The following CNTLN variants were observed in gnomAD, a reference collection of about 807,000 sequenced individuals.
CNTLN encodes the protein centlein, also known as centlein, centrosomal protein.
In CNTLN, 212 loss-of-function variants were observed where a neutral mutation model predicts 180.0. The observed-to-expected ratio is 1.18, with a 90% CI of 1.05 to 1.32. CNTLN has a LOEUF of 1.32. CNTLN is among the 40% of genes most tolerant of loss of function. CNTLN has a pLI of 0.00. For missense variants in CNTLN, 2,095 were observed against 1,610.9 expected, an observed-to-expected ratio of 1.30 and a Z score of -5.14; for synonymous variants, 722 against 563.1, an observed-to-expected ratio of 1.28 and a Z score of -3.99.
At chr9:17,210,516 G>T (rs201498405) in intron 2 of CNTLN, among the ~76,000 whole-genome samples, 50 of 152,300 alleles carry the variant, frequency 3.3e-4, no homozygotes, top group South Asian at 1.2e-3. Flanking sequence ...TATTGCCGCA[G>T]TGAACATACG....
rs1279421592 is a variant in CNTLN at position 17,285,885 on chromosome 9, AT to A, written c.983+12021del. 8.6e-5 allele frequency among the ~76,000 whole-genome samples: 7 copies of A among 81,696 alleles called. 2 individuals carry two copies. Among genetic ancestry groups the A allele is most frequent in the Admixed American group, 6.4e-4 (5 of 7,824 alleles). 53.6% of individuals were successfully genotyped at this position (81,696 alleles called of 152,430 possible). A position where few individuals can be genotyped will look rare whatever the true frequency, so the allele number is the denominator to read the frequency against. ...TTTTCTTGTAAATTTGTTTGAGTTC[AT>A]TGTAGATTCTGGATATTAGCCCTTT... On this transcript the variant is annotated intron_variant, in intron 6 of 25. Transcript: ENST00000380647.
intron 2 of CNTLN, among the ~76,000 whole-genome samples, chr9:17,170,989 C>T (rs1820386752): frequency 6.6e-6 from 1 of 151,990 alleles, no homozygotes; most frequent in South Asian, 2.1e-4. Flanking sequence ...TACCATATAG[C>T]CTAGGTGTGT....
At chr9:17,513,039 T>C in the CNTLN span, among the ~76,000 whole-genome samples, 1 of 152,154 alleles carries the variant, frequency 6.6e-6, no homozygotes, top group South Asian at 2.1e-4. Flanking sequence ...CAGAATGGTC[T>C]CAAACTCCTG....
At position 17,330,621 on chromosome 9, in the gene CNTLN, T is replaced by C. The variant is rs1820581794; in HGVS notation, c.1342-11T>C. On this transcript the variant is annotated splice_polypyrimidine_tract_variant and intron_variant, in intron 8 of 25. Transcript: ENST00000380647. ...ATAGATATCTATTTACAATTATACT[T>C]TTTAAAATAGGTACCTCATCGCCCA... 6.7e-7 allele frequency: 1 copy of C among 1,500,894 alleles called. No homozygotes were observed. Among genetic ancestry groups the C allele is most frequent in the Non-Finnish European group, 9.0e-7 (1 of 1,109,942 alleles). 93.0% of individuals were successfully genotyped at this position (1,500,894 alleles called of 1,614,324 possible).
intron 18 of CNTLN, among the ~76,000 whole-genome samples, chr9:17,451,752 G>A (rs1830790132): frequency 6.6e-6 from 1 of 152,144 alleles, no homozygotes; most frequent in African/African-American, 2.4e-5. Flanking sequence ...TGTTTGGCTG[G>A]ATTTACTAGA....
chr9:17,242,015 C>A (rs1183633248), intron 5 of CNTLN, among the ~76,000 whole-genome samples: 1 of 152,098 alleles, frequency 6.6e-6, no homozygotes, highest in Non-Finnish European at 1.5e-5. Context: ...TTGACTATTT[C>A]CTTTCCAACT....
intron 18 of CNTLN, among the ~76,000 whole-genome samples, chr9:17,437,974 G>C (rs149134060): frequency 6.6e-6 from 1 of 152,256 alleles, no homozygotes; most frequent in Non-Finnish European, 1.5e-5. Flanking sequence ...ATTGAACAAA[G>C]TCATTAGAAG....
At position 17,273,472 on chromosome 9, in the gene CNTLN, CA is replaced by C. The variant is rs1351730822; in HGVS notation, c.850-260del. On this transcript the variant is annotated intron_variant, in intron 5 of 25. Coordinates refer to ENST00000380647, the MANE Select transcript of CNTLN (RefSeq NM_017738.4). Reference sequence around the variant, plus strand: ...TTATTGTACAATAATTTAATAACTACATTTTTTATACATATCTTCTAGTTTA... The same window carrying C: ...TTATTGTACAATAATTTAATAACTACTTTTTTATACATATCTTCTAGTTTA... Among the ~76,000 whole-genome samples the C allele has an allele frequency of 2.0e-5, 3 of 151,982 alleles. No homozygotes were observed. The East Asian group carries it at 5.8e-4, about 29-fold the overall frequency.
At chr9:17,348,511 GCTTTCTTT>G (rs763590963) in intron 12 of CNTLN, among the ~76,000 whole-genome samples, 1 of 150,874 alleles carries the variant, frequency 6.6e-6, no homozygotes, top group Admixed American at 6.6e-5. Flanking sequence ...TTCTCACTCT[GCTTTCTTT>G]CTTTCTTTCT....
At chr9:17,522,719 G>A in the CNTLN span, among the ~76,000 whole-genome samples, 1 of 151,446 alleles carries the variant, frequency 6.6e-6, no homozygotes, top group East Asian at 1.9e-4. Flanking sequence ...TATGACACAC[G>A]TGAGACTAAA....
chr9:17,217,946 C>G (rs78460750), intron 2 of CNTLN, among the ~76,000 whole-genome samples: 5 of 151,960 alleles, frequency 3.3e-5, no homozygotes, highest in Non-Finnish European at 7.4e-5. Context: ...TTATTTAATA[C>G]TATATTTAAT....
At chr9:17,494,876 C>CT (rs35224903) in intron 25 of CNTLN, 4,456 of 272,112 alleles carry the variant, frequency 0.016, 2 homozygotes, top group South Asian at 0.027. Context: ...CTATACCATA[C>CT]TTTTTTTTTT....
chr9:17,327,598 C>A (rs917338566), intron 8 of CNTLN, among the ~76,000 whole-genome samples: 1 of 151,300 alleles, frequency 6.6e-6, no homozygotes, highest in Non-Finnish European at 1.5e-5. Flanking sequence ...CTTACCTATA[C>A]TGAAATTTTT....
At chr9:17,257,083 G>A (rs1294383272) in intron 5 of CNTLN, among the ~76,000 whole-genome samples, 2 of 151,456 alleles carry the variant, frequency 1.3e-5, no homozygotes, top group African/African-American at 4.8e-5. Context: ...CCACTAACTC[G>A]TCATCTAGCA....
intron 6 of CNTLN, among the ~76,000 whole-genome samples, chr9:17,288,455 G>T (rs919525348): frequency 1.4e-5 from 2 of 142,292 alleles, no homozygotes; most frequent in African/African-American, 5.6e-5. Flanking sequence ...GAATAGGTGT[G>T]GTGTGGTGCT....
chr9:17,302,575 G>C lies in CNTLN; in HGVS notation c.1146+4223G>C, dbSNP rs1818447385. Among the ~76,000 whole-genome samples, 7 of 151,900 alleles carry C rather than the reference G, an allele frequency of 4.6e-5. 1 individual carries two copies. In the South Asian group the frequency reaches 1.5e-3, roughly 32 times the overall value. ...ATAATAAGAATGTACGGGGGTCATGGATTCTAAGGGGACCTGCCTACTACA... is the reference window on the plus strand; with the variant it reads ...ATAATAAGAATGTACGGGGGTCATGCATTCTAAGGGGACCTGCCTACTACA... On this transcript the variant is annotated intron_variant, in intron 7 of 25. Coordinates refer to ENST00000380647, the MANE Select transcript of CNTLN (RefSeq NM_017738.4).
intron 13 of CNTLN, among the ~76,000 whole-genome samples, chr9:17,375,377 A>C (rs1016175924): frequency 1.3e-5 from 2 of 152,188 alleles, no homozygotes; most frequent in African/African-American, 4.8e-5. Context: ...TGACTATTAA[A>C]AAATAATTTA....
intron 8 of CNTLN, among the ~76,000 whole-genome samples, chr9:17,314,826 G>A (rs1819436439): frequency 6.6e-6 from 1 of 152,162 alleles, no homozygotes; most frequent in South Asian, 2.1e-4. Flanking sequence ...GTGTGTGGTA[G>A]ATTTATTCTG....
intron 13 of CNTLN, among the ~76,000 whole-genome samples, chr9:17,371,141 A>G (rs879887653): frequency 1.3e-5 from 2 of 152,168 alleles, no homozygotes; most frequent in Non-Finnish European, 2.9e-5. Context: ...AATCACATTG[A>G]ATGTGAATGG....
Sources: allele counts gnomAD v4.1 joint callset (sites outside exome capture counted in the v4.1 genomes callset), GRCh38; gene constraint gnomAD v4.1.1; transcripts MANE v1.5; gene names NCBI Gene and HGNC (gene_info 2026-07-23, HGNC 2026-07-21).